RNASEH1: variants seen among roughly 807,000 people sequenced by gnomAD.
RNASEH1 encodes the protein ribonuclease H1, also known as ribonuclease H type II.
A neutral mutation model predicts 34.6 loss-of-function variants in RNASEH1; 27 were observed. The ratio of observed to expected loss-of-function variants is 0.78; its 90% confidence interval spans 0.58 to 1.08. The LOEUF (loss-of-function observed/expected upper bound fraction) is 1.08. Among genes scored for constraint, RNASEH1 ranks in the 50% least tolerant of loss-of-function variants. RNASEH1 has a pLI of 0.00. For missense variants in RNASEH1, 349 were observed against 373.6 expected (o/e 0.93, Z 0.54); for synonymous variants, 162 against 138.4 (o/e 1.17, Z -1.20).
At chr2:3,545,937 G>T in intron 7 of RNASEH1, 66 bp from the exon 8 acceptor site, 1 of 1,184,748 alleles carries the variant, frequency 8.4e-7, no homozygotes, top group Non-Finnish European at 1.3e-6. Context: ...TGACTATATT[G>T]TCATCATAAA....
intron 2 of RNASEH1, among the ~76,000 whole-genome samples, chr2:3,555,668 T>G (rs1328848463): frequency 2.0e-5 from 3 of 152,152 alleles, no homozygotes; most frequent in Non-Finnish European, 1.5e-5. Flanking sequence ...CAGTCTTAAT[T>G]TGCTATAGTA....
downstream of RNASEH1, among the ~76,000 whole-genome samples, chr2:3,538,375 T>C (rs1668103179): frequency 6.6e-6 from 1 of 151,242 alleles, no homozygotes; most frequent in Non-Finnish European, 1.5e-5. Context: ...ATAATATATA[T>C]ATATAAAAGA....
At position 3,544,243 on chromosome 2, in the gene RNASEH1, C is replaced by T. The variant is rs1308857062; in HGVS notation, c.*1542G>A. Among the ~76,000 whole-genome samples the T allele has an allele frequency of 6.6e-6, 1 of 152,156 alleles. No homozygotes were observed. The highest frequency in any genetic ancestry group is 1.5e-5 in the Non-Finnish European group (1 of 68,032). On this transcript the variant is annotated 3_prime_UTR_variant, in exon 8 of 8. Coordinates refer to ENST00000315212, the MANE Select transcript of RNASEH1 (RefSeq NM_002936.6). Reference sequence around the variant, plus strand: ...AGGAAAGCTCCTAACCGCCTGTTCTCCTGCCAAAGGGATCAAATTTGAGGC... The same window carrying T: ...AGGAAAGCTCCTAACCGCCTGTTCTTCTGCCAAAGGGATCAAATTTGAGGC...
At chr2:3,550,214 C>T (rs1031426586) in intron 4 of RNASEH1, 159 bp downstream of exon 4, 7 of 666,472 alleles carry the variant, frequency 1.1e-5, no homozygotes, top group African/African-American at 3.6e-5. Flanking sequence ...AAAGCAATGC[C>T]GCTTAGCCCC....
At chr2:3,532,220 C>G in the RNASEH1 span, 1 of 701,550 alleles carries the variant, frequency 1.4e-6, no homozygotes, top group African/African-American at 1.7e-5. Context: ...ACTTTCAAGG[C>G]ATTCACTCCG....
Position 3,556,407 on chromosome 2 carries a change from G to A in RNASEH1, c.244+382C>T, listed in dbSNP as rs142618459. Among the ~76,000 whole-genome samples the A allele has an allele frequency of 1.6e-3, 241 of 150,672 alleles. 1 individual carries two copies. Among genetic ancestry groups the A allele is most frequent in the African/African-American group, 5.6e-3 (231 of 41,022 alleles). ...TGTAGCCTCCACTTCTCGGGCTCAA[G>A]CAATTCTCCCACCTCAGCCTCCCGA... On this transcript the variant is annotated intron_variant, in intron 2 of 7. Coordinates refer to ENST00000315212, the MANE Select transcript of RNASEH1 (RefSeq NM_002936.6).
At chr2:3,552,113 A>T in intron 3 of RNASEH1, 31 bp downstream of exon 3, 1 of 1,581,582 alleles carries the variant, frequency 6.3e-7, no homozygotes, top group African/African-American at 1.4e-5. Context: ...TGACTGTGGT[A>T]TTAAAATCTG....
the RNASEH1 span, among the ~76,000 whole-genome samples, chr2:3,535,297 G>A: frequency 1.3e-5 from 2 of 151,940 alleles, no homozygotes; most frequent in Admixed American, 6.6e-5. Context: ...GTGGTGGTGT[G>A]TGCCTCTAGT....
intron 2 of RNASEH1, 132 bp from the exon 3 acceptor site, chr2:3,552,440 CAACGAGGGA>C (rs1039843519): frequency 7.1e-6 from 6 of 845,372 alleles, no homozygotes; most frequent in Non-Finnish European, 1.1e-5. Context: ...TGTGGCCCTA[CAACGAGGGA>C]AACGAGGGAA....
chr2:3,536,474 G>A (rs572555985), downstream of RNASEH1, among the ~76,000 whole-genome samples: 16 of 152,274 alleles, frequency 1.1e-4, 1 homozygote, highest in South Asian at 1.0e-3. Context: ...GGCTGGCTCC[G>A]TTTGAGCAAA....
Position 3,552,133 on chromosome 2 carries a change from G to A in RNASEH1, c.409+11C>T. The stretch of plus-strand genomic sequence containing the variant: ...GTGGTATTAAAATCTGAAAACCCAA[G>A]GAAGATGTACCCATGTAGGAAAACG... On this transcript the variant is annotated intron_variant, in intron 3 of 7. Coordinates refer to ENST00000315212, the MANE Select transcript of RNASEH1 (RefSeq NM_002936.6). 1 of 1,598,344 alleles carries A rather than the reference G, an allele frequency of 6.3e-7. No homozygotes were observed. The highest frequency in any genetic ancestry group is 8.5e-7 in the Non-Finnish European group (1 of 1,174,694).
At chr2:3,541,287 C>T (rs535635897), downstream of RNASEH1, among the ~76,000 whole-genome samples, 11 of 151,460 alleles carry the variant, frequency 7.3e-5, no homozygotes, top group Middle Eastern at 3.4e-3. Flanking sequence ...CAAGATCACG[C>T]CACTGCACTC....
intron 2 of RNASEH1, among the ~76,000 whole-genome samples, chr2:3,553,073 C>A (rs978873072): frequency 1.3e-5 from 2 of 151,974 alleles, no homozygotes; most frequent in Non-Finnish European, 2.9e-5. Context: ...CATGGTGAAA[C>A]CCTGTCTCTA....
intron 3 of RNASEH1, 94 bp from the exon 4 acceptor site, chr2:3,550,566 C>A: frequency 1.1e-6 from 1 of 937,026 alleles, no homozygotes. Context: ...CATTTTAAAC[C>A]GAGAGGGTAT....
chr2:3,555,034 G>A (rs1054012208), intron 2 of RNASEH1, among the ~76,000 whole-genome samples: 2 of 152,160 alleles, frequency 1.3e-5, no homozygotes, highest in African/African-American at 4.8e-5. Context: ...TAACCCCCAA[G>A]GAGATAAAGA....
At chr2:3,548,942 C>A in intron 5 of RNASEH1, 116 bp downstream of exon 5, 1 of 959,398 alleles carries the variant, frequency 1.0e-6, no homozygotes, top group Non-Finnish European at 1.6e-6. Flanking sequence ...TGTTATTAAA[C>A]CCGTCTCTCT....
intron 2 of RNASEH1, among the ~76,000 whole-genome samples, chr2:3,553,543 C>G (rs912849531): frequency 2.0e-5 from 3 of 150,710 alleles, no homozygotes; most frequent in Admixed American, 6.6e-5. Flanking sequence ...GCACCCACCA[C>G]CACACCCAGC....
intron 4 of RNASEH1, chr2:3,550,130 G>A: frequency 2.3e-6 from 1 of 434,572 alleles, no homozygotes; most frequent in South Asian, 2.2e-5. Context: ...GCAACAGTGT[G>A]AGACCGTGTC....
rs1172419492 is a variant in RNASEH1, at chr2:3,543,601, T to C, written c.*2184A>G. 6.6e-6 allele frequency among the ~76,000 whole-genome samples: 1 copy of C among 151,934 alleles called. No individual in the cohort carries two copies. Among genetic ancestry groups the C allele is most frequent in the Admixed American group, 6.6e-5 (1 of 15,250 alleles). ...ACAACGGATTGAAACCCACCAAGTA[T>C]GCTTAACTCCACAAATTCTTTTTTT... On this transcript the variant is annotated 3_prime_UTR_variant, in exon 8 of 8. Coordinates refer to ENST00000315212, the MANE Select transcript of RNASEH1 (RefSeq NM_002936.6).
Sources: gnomAD v4.1 joint callset for allele counts (sites outside exome capture counted in the v4.1 genomes callset) on GRCh38, gnomAD v4.1.1 for gene constraint, MANE v1.5 for transcripts, NCBI Gene and HGNC (gene_info 2026-07-23, HGNC 2026-07-21) for gene names.